Variants in TRIM37 observed in about 807,000 individuals in gnomAD.
TRIM37 encodes E3 ubiquitin-protein ligase TRIM37.
TRIM37 carries 80 observed loss-of-function variants against 129.8 expected under a neutral mutation model. The observed-to-expected ratio is 0.62, with a 90% CI of 0.51 to 0.74. The LOEUF (loss-of-function observed/expected upper bound fraction) is 0.74. TRIM37 is among the 30% of genes least tolerant of loss of function. The probability of loss-of-function intolerance (pLI) is 0.00; values close to 1 mark genes in which losing one functional copy is unlikely to be tolerated. For missense variants in TRIM37, 1,054 were observed against 1,176.5 expected, an observed-to-expected ratio of 0.90 and a Z score of 1.52; for synonymous variants, 389 against 387.1, an observed-to-expected ratio of 1.00 and a Z score of -0.06.
At chr17:59,033,767 A>G (rs1362457746) in intron 17 of TRIM37, among the ~76,000 whole-genome samples, 2 of 151,588 alleles carry the variant, frequency 1.3e-5, no homozygotes, top group Admixed American at 1.3e-4. Context: ...ATTGGGTTGT[A>G]TGTCAGTCAG....
chr17:59,104,838 T>A (rs769157556), intron 1 of TRIM37, among the ~76,000 whole-genome samples: 1 of 152,144 alleles, frequency 6.6e-6, no homozygotes, highest in Non-Finnish European at 1.5e-5. Context: ...ATTACTGTAA[T>A]CCTAGCACTT....
Position 59,015,666 on chromosome 17 carries a change from A to G in TRIM37, c.2520T>C (p.Val840=). ...CCGCAGGCAAGCCACTGAAAACTGC[A>G]ACCACAACAGCATCTGAATCCAAAG... ...CKALDSDAVV[V]AVFSGLPAVE... Residue 840 remains valine (V), a synonymous_variant, in exon 21 of 24, where the codon GTT becomes GTC. Coordinates refer to ENST00000262294, the MANE Select transcript of TRIM37 (RefSeq NM_015294.6). 6.2e-7 allele frequency: 1 copy of G among 1,614,184 alleles called. No individual in the cohort carries two copies. The highest frequency in any genetic ancestry group is 8.5e-7 in the Non-Finnish European group (1 of 1,180,028).
At chr17:58,991,174 TC>T (rs1372371335) in intron 24 of TRIM37, among the ~76,000 whole-genome samples, 2 of 99,034 alleles carry the variant, frequency 2.0e-5, no homozygotes, top group Non-Finnish European at 2.1e-5. Context: ...AAACTCTGTC[TC>T]AAAAAAAAAA....
downstream of TRIM37, among the ~76,000 whole-genome samples, chr17:58,978,199 G>A (rs916263949): frequency 1.3e-5 from 2 of 152,220 alleles, no homozygotes; most frequent in African/African-American, 4.8e-5. Flanking sequence ...TAGGTGACAA[G>A]TAGAAGAGCT....
intron 17 of TRIM37, among the ~76,000 whole-genome samples, chr17:59,039,999 G>A (rs1221320910): frequency 6.6e-6 from 1 of 151,964 alleles, no homozygotes; most frequent in Admixed American, 6.6e-5. Context: ...CTGGGCTCAG[G>A]TGATCCTCCC....
chr17:59,061,959 C>A (rs2041531925), intron 11 of TRIM37, among the ~76,000 whole-genome samples: 1 of 151,760 alleles, frequency 6.6e-6, no homozygotes, highest in South Asian at 2.1e-4. Flanking sequence ...AATGACTCAT[C>A]AGCTAGGTGA....
At chr17:59,083,351 T>C (rs555224574) in intron 5 of TRIM37, among the ~76,000 whole-genome samples, 1 of 150,730 alleles carries the variant, frequency 6.6e-6, no homozygotes, top group Admixed American at 6.6e-5. Context: ...GGCAGGAGAA[T>C]CACTTGAACC....
chr17:59,106,521 G>C lies in TRIM37; in HGVS notation c.-60C>G, dbSNP rs2046018414. 4 of 1,607,590 alleles carry C rather than the reference G, an allele frequency of 2.5e-6. No individual in the cohort carries two copies. The highest frequency in any genetic ancestry group is 2.5e-6 in the Non-Finnish European group (3 of 1,176,630). ...GCAGGCTCCGCAGTCTGACCTCTTA[G>C]GCGCCGGCCCGAGGTCGCCAGATCA... On this transcript the variant is annotated 5_prime_UTR_variant, in exon 1 of 24. Coordinates refer to ENST00000262294, the MANE Select transcript of TRIM37 (RefSeq NM_015294.6).
intron 16 of TRIM37, among the ~76,000 whole-genome samples, chr17:59,044,274 C>A (rs536379897): frequency 6.6e-6 from 1 of 152,254 alleles, no homozygotes; most frequent in African/African-American, 2.4e-5. Context: ...GCGACCACTG[C>A]ACTCCAGCTT....
Position 58,998,379 on chromosome 17 carries a change from GTC to G in TRIM37, c.*996_*997del, listed in dbSNP as rs1366446136. ...TTTAATTATTCATGCTTTTTCAATA[GTC>G]TCTTAGTCAACTTTCAGTGTAATTT... On this transcript the variant is annotated 3_prime_UTR_variant, in exon 24 of 24. Coordinates refer to ENST00000262294, the MANE Select transcript of TRIM37 (RefSeq NM_015294.6). 2 of 985,206 alleles carry G rather than the reference GTC, an allele frequency of 2.0e-6. No individual in the cohort carries two copies. The highest frequency in any genetic ancestry group is 2.4e-6 in the Non-Finnish European group (2 of 829,892). The allele number at this position is 985,206 out of a possible 1,614,324, so 61.0% of individuals were successfully genotyped here.
intron 2 of TRIM37, among the ~76,000 whole-genome samples, chr17:59,096,672 T>C (rs1203220138): frequency 3.3e-5 from 5 of 152,102 alleles, no homozygotes; most frequent in Non-Finnish European, 7.4e-5. Context: ...TTAAATACTA[T>C]TTCCAATGCC....
chr17:58,983,422 G>C (rs979465646), intron 24 of TRIM37: 1 of 152,924 alleles, frequency 6.5e-6, no homozygotes, highest in Non-Finnish European at 1.5e-5. Flanking sequence ...CTAGATAAAA[G>C]CAGTGCTTTG....
chr17:59,081,964 A>AAAAAAATAATAATAATAATAAT (rs1568200247), intron 5 of TRIM37, among the ~76,000 whole-genome samples: 1 of 87,228 alleles, frequency 1.1e-5, no homozygotes, highest in African/African-American at 5.1e-5. Context: ...AAAAAAAAAA[A>AAAAAAATAATAATAATAATAAT]AATAATAATA....
At chr17:58,986,301 C>G (rs1185864485) in intron 24 of TRIM37, among the ~76,000 whole-genome samples, 1 of 151,844 alleles carries the variant, frequency 6.6e-6, no homozygotes, top group African/African-American at 2.4e-5. Context: ...CAGGTTCAAG[C>G]GATTTTCCTG....
intron 13 of TRIM37, among the ~76,000 whole-genome samples, chr17:59,054,730 T>C (rs1236705795): frequency 1.6e-4 from 24 of 152,170 alleles, no homozygotes; most frequent in Admixed American, 1.6e-3. Flanking sequence ...AGTGGCATAA[T>C]CTCGGTTCAC....
At chr17:59,073,303 T>C (rs1299494778) in intron 8 of TRIM37, among the ~76,000 whole-genome samples, 12 of 152,188 alleles carry the variant, frequency 7.9e-5, no homozygotes, top group African/African-American at 2.9e-4. Flanking sequence ...ATTTACTTTT[T>C]TTTTTTTTGA....
At chr17:58,973,094 C>A in the TRIM37 span, among the ~76,000 whole-genome samples, 1 of 152,106 alleles carries the variant, frequency 6.6e-6, no homozygotes, top group African/African-American at 2.4e-5. Context: ...TTTAGTTAAA[C>A]CTGTACATTT....
chr17:59,032,052 A>G lies in TRIM37; in HGVS notation c.1792T>C (p.Ser598Pro). The G allele has an allele frequency of 6.2e-7, 1 of 1,614,132 alleles. No individual in the cohort carries two copies. The highest frequency in any genetic ancestry group is 8.5e-7 in the Non-Finnish European group (1 of 1,180,046). ...GCGGAGCATAAATGTGTTCTTCTTG[A>G]TATTCTACTACTGGAACCCACATAA... ...HGYVGSSSRI[S>P]RRTHLCSAAT... The change falls in exon 18 of 24, where the codon TCA becomes CCA. Residue 598 changes from serine to proline, a missense_variant. Around this residue, in one of 3 missense-constraint regions of TRIM37, gnomAD observed 752 missense variants for 870.8 expected, o/e 0.86. Transcript: ENST00000262294.
chr17:59,064,992 G>A (rs370654096), intron 9 of TRIM37, among the ~76,000 whole-genome samples: 43 of 152,092 alleles, frequency 2.8e-4, no homozygotes, highest in African/African-American at 8.9e-4. Flanking sequence ...CGGAGGTTGC[G>A]GTGAATCAAG....
Sources: gnomAD v4.1 joint callset for allele counts (sites outside exome capture counted in the v4.1 genomes callset) on GRCh38, gnomAD v4.1.1 for gene constraint, gnomAD v4.1.1 regional missense constraint, MANE v1.5 for transcripts, NCBI Gene and HGNC (gene_info 2026-07-23, HGNC 2026-07-21) for gene names.